WDR35: variants seen among roughly 807,000 people sequenced by gnomAD.
The protein encoded by WDR35 is WD repeat-containing protein 35.
WDR35 carries 118 observed loss-of-function variants against 158.3 expected under a neutral mutation model. The ratio of observed to expected loss-of-function variants is 0.75; its 90% CI spans 0.64 to 0.87. WDR35 has a LOEUF of 0.87. Among genes scored for constraint, WDR35 ranks in the 40% least tolerant of loss-of-function variants. The probability of loss-of-function intolerance (pLI) is 0.00; values close to 1 mark genes in which losing one functional copy is unlikely to be tolerated. For synonymous variants in WDR35, 448 were observed against 476.1 expected, an observed-to-expected ratio of 0.94 and a Z score of 0.77; for missense variants, 1,263 against 1,405.8, an observed-to-expected ratio of 0.90 and a Z score of 1.62.
chr2:19,969,355 C>T, intron 9 of WDR35, 125 bp downstream of exon 9: 1 of 1,026,106 alleles, frequency 9.7e-7, no homozygotes, highest in Non-Finnish European at 1.4e-6. Flanking sequence ...GTTCTAAAAT[C>T]TTCACACAAA....
At chr2:19,958,450 G>T (rs1309988997) in intron 11 of WDR35, among the ~76,000 whole-genome samples, 1 of 152,134 alleles carries the variant, frequency 6.6e-6, no homozygotes, top group East Asian at 1.9e-4. Context: ...ACTGTTCAAT[G>T]AATTAACTAG....
At chr2:19,987,810 C>T (rs917395464) in intron 2 of WDR35, among the ~76,000 whole-genome samples, 8 of 114,672 alleles carry the variant, frequency 7.0e-5, no homozygotes, top group South Asian at 2.8e-4. Flanking sequence ...GGCAACAGAG[C>T]GAAACTCTGT....
chr2:19,948,303 C>T lies in WDR35; in HGVS notation c.1471-86G>A, dbSNP rs1671122968. 32 of 1,247,684 alleles carry T rather than the reference C, an allele frequency of 2.6e-5. 2 individuals carry two copies. In the South Asian group the frequency reaches 4.2e-4, roughly 16 times the overall value. The allele number at this position is 1,247,684 out of a possible 1,614,324, so 77.3% of individuals were successfully genotyped here. On this transcript the variant is annotated intron_variant, in intron 13 of 26. Transcript: ENST00000281405. The stretch of plus-strand genomic sequence containing the variant: ...ACAACGTAGTATGCAATTCACTAAG[C>T]AGTCAATATTTCTTAACTTAACCAA...
intron 11 of WDR35, among the ~76,000 whole-genome samples, chr2:19,955,100 G>A (rs1363325728): frequency 3.3e-5 from 5 of 151,902 alleles, no homozygotes; most frequent in Admixed American, 6.6e-5. Flanking sequence ...CTACAGGCAC[G>A]CACCACCACG....
In WDR35 at chr2:19,913,723, G is replaced by A. The variant is rs763500770; in HGVS notation, c.3363-15C>T. 3.7e-6 allele frequency: 6 copies of A among 1,613,758 alleles called. No individual in the cohort carries two copies. In the African/African-American group the frequency reaches 6.7e-5, roughly 18 times the overall value. ...TCCCTTCTCCACTGTAAAACGGGGA[G>A]AAACAATTCATTATACTTTAAAACT... is the stretch of plus-strand genomic sequence containing the variant. On this transcript the variant is annotated splice_polypyrimidine_tract_variant and intron_variant, in intron 26 of 26. Coordinates refer to ENST00000281405, the MANE Select transcript of WDR35 (RefSeq NM_020779.4).
At chr2:19,929,964 A>G (rs1670474791) in intron 25 of WDR35, among the ~76,000 whole-genome samples, 2 of 151,770 alleles carry the variant, frequency 1.3e-5, no homozygotes. Flanking sequence ...TGGTTTTCAA[A>G]AAGTACATAA....
chr2:19,946,069 A>G, intron 15 of WDR35, 73 bp from the exon 16 acceptor site: 1 of 1,441,106 alleles, frequency 6.9e-7, no homozygotes, highest in East Asian at 2.3e-5. Flanking sequence ...ATAATTACCT[A>G]TAGCCATTCT....
chr2:19,959,203 T>C (rs1671550669), intron 11 of WDR35, among the ~76,000 whole-genome samples: 1 of 152,046 alleles, frequency 6.6e-6, no homozygotes, highest in African/African-American at 2.4e-5. Flanking sequence ...TCTCAAGTAT[T>C]TGCCATTTTA....
intron 4 of WDR35, among the ~76,000 whole-genome samples, 190 bp downstream of exon 4, chr2:19,980,501 C>G (rs1324272653): frequency 6.6e-6 from 1 of 151,942 alleles, no homozygotes; most frequent in Non-Finnish European, 1.5e-5. Context: ...TTCTTAATAA[C>G]AGGGTTAAAG....
intron 20 of WDR35, among the ~76,000 whole-genome samples, 153 bp from the exon 21 acceptor site, chr2:19,935,756 G>A (rs1327629502): frequency 6.6e-6 from 1 of 151,912 alleles, no homozygotes; most frequent in Non-Finnish European, 1.5e-5. Context: ...ACATATAAAT[G>A]GGGAAAAAAA....
At chr2:19,989,624 T>C (rs1672685615) in intron 1 of WDR35, among the ~76,000 whole-genome samples, 1 of 152,214 alleles carries the variant, frequency 6.6e-6, no homozygotes. Flanking sequence ...GGCTATCCTA[T>C]TGTTATTTCT....
chr2:19,936,044 T>C (rs1302971029), intron 20 of WDR35, among the ~76,000 whole-genome samples, 175 bp downstream of exon 20: 4 of 152,220 alleles, frequency 2.6e-5, no homozygotes, highest in African/African-American at 9.6e-5. Context: ...ATTTTTATAG[T>C]GCTCATCTCA....
chr2:19,986,203 A>G (rs920005850), intron 2 of WDR35, among the ~76,000 whole-genome samples: 25 of 152,242 alleles, frequency 1.6e-4, no homozygotes, highest in African/African-American at 6.0e-4. Flanking sequence ...GAGAATTGAA[A>G]GAGATTTGGA....
intron 25 of WDR35, among the ~76,000 whole-genome samples, chr2:19,919,399 GA>G (rs753129441): frequency 2.3e-5 from 2 of 85,122 alleles, no homozygotes; most frequent in African/African-American, 9.0e-5. Flanking sequence ...AAAAAAAAAA[GA>G]AAAGAAAAAG....
At chr2:19,973,482 G>A (rs1034435437) in intron 8 of WDR35, 81 bp downstream of exon 8, 103 of 1,570,650 alleles carry the variant, frequency 6.6e-5, no homozygotes, top group Admixed American at 8.4e-5. Context: ...AGTTTACACC[G>A]TTTCCTTTGT....
chr2:19,927,470 C>CT lies in WDR35; in HGVS notation c.3121+2925dup, dbSNP rs202012852. Among the ~76,000 whole-genome samples the CT allele has an allele frequency of 5.6e-3, 856 of 152,278 alleles. 6 individuals are homozygous for CT. Among genetic ancestry groups the CT allele is most frequent in the African/African-American group, 0.02 (822 of 41,544 alleles). ...TTCTCAGTCTGTGTGCCATGCCATA[C>CT]TTATGTTCAGATGGTCTCAACAAAA... On this transcript the variant is annotated intron_variant, in intron 25 of 26. Coordinates refer to ENST00000281405, the MANE Select transcript of WDR35 (RefSeq NM_020779.4).
At chr2:19,935,675 A>G (rs1223217164) in intron 20 of WDR35, 72 bp from the exon 21 acceptor site, 36 of 1,547,156 alleles carry the variant, frequency 2.3e-5, no homozygotes, top group Non-Finnish European at 8.8e-7. Context: ...TTTCAACCAA[A>G]ATGTTCCTTC....
intron 9 of WDR35, 52 bp from the exon 10 acceptor site, chr2:19,966,961 AT>A: frequency 6.4e-7 from 1 of 1,571,836 alleles, no homozygotes; most frequent in Non-Finnish European, 8.7e-7. Flanking sequence ...GAGAAGAATT[AT>A]TTAGTATTGG....
chr2:19,969,423 T>C (rs1042119311), intron 9 of WDR35, 57 bp downstream of exon 9: 43 of 1,554,166 alleles, frequency 2.8e-5, no homozygotes, highest in East Asian at 2.3e-4. Flanking sequence ...CTTTGAGCTA[T>C]AGCAAAATTA....
Sources: allele counts gnomAD v4.1 joint callset (sites outside exome capture counted in the v4.1 genomes callset), GRCh38; gene constraint gnomAD v4.1.1; transcripts MANE v1.5; gene names NCBI Gene and HGNC (gene_info 2026-07-23, HGNC 2026-07-21).